RAP1A: variants seen among roughly 807,000 people sequenced by gnomAD.
RAP1A encodes the protein ras-related protein Rap-1A.
RAP1A carries 6 observed loss-of-function variants against 26.4 expected under a neutral mutation model. The observed-to-expected ratio is 0.23, with a 90% CI of 0.12 to 0.45. RAP1A has a LOEUF of 0.45. RAP1A is among the 20% of genes least tolerant of loss of function. The probability of loss-of-function intolerance (pLI) is 0.99; values close to 1 mark genes in which losing one functional copy is unlikely to be tolerated. For synonymous variants in RAP1A, 73 were observed against 79.4 expected (o/e 0.92, Z 0.43); for missense variants, 121 against 217.2 (o/e 0.56, Z 2.78).
upstream of RAP1A, among the ~76,000 whole-genome samples, chr1:111,619,193 GCTATTCCTC>G (rs532678409): frequency 6.6e-6 from 1 of 152,282 alleles, no homozygotes; most frequent in East Asian, 1.9e-4. Flanking sequence ...GCTTGGAAAG[GCTATTCCTC>G]CTCCAGGCCC....
At chr1:111,697,562 G>A in intron 4 of RAP1A, 65 bp downstream of exon 4, 1 of 1,593,104 alleles carries the variant, frequency 6.3e-7, no homozygotes, top group South Asian at 1.1e-5. Context: ...ATCTGAGTAG[G>A]TTTTGTCATC....
intron 1 of RAP1A, among the ~76,000 whole-genome samples, chr1:111,667,612 G>A (rs2101172894): frequency 6.6e-6 from 1 of 151,894 alleles, no homozygotes; most frequent in East Asian, 1.9e-4. Flanking sequence ...AACCTGGGAG[G>A]CGGAGGTTGC....
intron 1 of RAP1A, among the ~76,000 whole-genome samples, chr1:111,691,079 A>G (rs1384133780): frequency 4.6e-5 from 7 of 152,220 alleles, no homozygotes; most frequent in Admixed American, 2.0e-4. Flanking sequence ...TTGTTTTCTA[A>G]TCAAAGATTT....
chr1:111,543,990 A>T (rs1557843368), intron 1 of RAP1A, among the ~76,000 whole-genome samples: 1 of 152,200 alleles, frequency 6.6e-6, no homozygotes, highest in Non-Finnish European at 1.5e-5. Context: ...TTTTATTTCT[A>T]ACCCTGAAGT....
intron 1 of RAP1A, among the ~76,000 whole-genome samples, chr1:111,669,997 C>T (rs1159900427): frequency 6.6e-6 from 1 of 151,984 alleles, no homozygotes; most frequent in African/African-American, 2.4e-5. Flanking sequence ...ACAGTGTACT[C>T]AGAGTAAATA....
At chr1:111,693,363 G>A (rs1303285282) in intron 2 of RAP1A, among the ~76,000 whole-genome samples, 1 of 152,084 alleles carries the variant, frequency 6.6e-6, no homozygotes, top group African/African-American at 2.4e-5. Context: ...TGGGGTTAAG[G>A]GAGGTTTTTG....
chr1:111,553,029 C>T (rs183329448), intron 1 of RAP1A, among the ~76,000 whole-genome samples: 1 of 152,306 alleles, frequency 6.6e-6, no homozygotes, highest in Non-Finnish European at 1.5e-5. Flanking sequence ...GTGGAACTTA[C>T]GTGAAATGTC....
chr1:111,607,701 CA>C (rs1260321668), intron 1 of RAP1A, among the ~76,000 whole-genome samples: 7 of 137,224 alleles, frequency 5.1e-5, no homozygotes, highest in African/African-American at 1.6e-4. Context: ...CTGACCCCCC[CA>C]CCTCCCTCCC....
At chr1:111,695,239 A>G (rs1571568207) in intron 2 of RAP1A, 102 bp from the exon 3 acceptor site, 2 of 851,544 alleles carry the variant, frequency 2.3e-6, no homozygotes, top group East Asian at 6.5e-5. Context: ...TTTACCCAGA[A>G]TTTTCACATA....
chr1:111,580,156 A>C (rs926187027), intron 1 of RAP1A, among the ~76,000 whole-genome samples: 3 of 152,216 alleles, frequency 2.0e-5, no homozygotes, highest in African/African-American at 7.2e-5. Context: ...ATGCGTACTC[A>C]AAGTATGGTT....
intron 1 of RAP1A, among the ~76,000 whole-genome samples, chr1:111,658,949 G>A (rs925345959): frequency 6.6e-5 from 10 of 152,042 alleles, no homozygotes; most frequent in African/African-American, 9.7e-5. Context: ...GAATTGTTAT[G>A]TCTTCTTGGA....
chr1:111,617,440 A>G (rs1659035644), upstream of RAP1A, among the ~76,000 whole-genome samples: 2 of 151,886 alleles, frequency 1.3e-5, no homozygotes, highest in African/African-American at 4.8e-5. Context: ...TGTGTCATCA[A>G]TTTTACCTCT....
chr1:111,592,613 C>T (rs1303670626), intron 1 of RAP1A, among the ~76,000 whole-genome samples: 1 of 152,146 alleles, frequency 6.6e-6, no homozygotes, highest in African/African-American at 2.4e-5. Context: ...AGAGCAATGA[C>T]GATTCTTTTG....
At chr1:111,606,176 A>C (rs1396017479) in intron 1 of RAP1A, among the ~76,000 whole-genome samples, 1 of 152,176 alleles carries the variant, frequency 6.6e-6, no homozygotes, top group Non-Finnish European at 1.5e-5. Flanking sequence ...GAATTCTGTT[A>C]ACTGTTTCTC....
intron 4 of RAP1A, among the ~76,000 whole-genome samples, chr1:111,702,685 C>A (rs1385946707): frequency 1.3e-5 from 2 of 151,858 alleles, no homozygotes; most frequent in African/African-American, 4.8e-5. Context: ...CTTCTTCCAC[C>A]AAGTAGCTGG....
chr1:111,614,945 G>C (rs190286451), upstream of RAP1A, among the ~76,000 whole-genome samples: 43 of 152,240 alleles, frequency 2.8e-4, no homozygotes, highest in African/African-American at 1.0e-3. Context: ...GAATGAATAG[G>C]AACTATGGGA....
At chr1:111,652,066 C>T (rs1435007580) in intron 1 of RAP1A, among the ~76,000 whole-genome samples, 3 of 152,082 alleles carry the variant, frequency 2.0e-5, no homozygotes, top group Non-Finnish European at 2.9e-5. Flanking sequence ...CTCAGCCTCC[C>T]AGGTTCAAAT....
upstream of RAP1A, among the ~76,000 whole-genome samples, chr1:111,619,482 C>T (rs775921833): frequency 3.9e-5 from 6 of 152,216 alleles, no homozygotes; most frequent in South Asian, 2.1e-4. Flanking sequence ...CTAACAGGTG[C>T]TCAATTAGGG....
At chr1:111,600,940 G>C (rs1014802723) in intron 1 of RAP1A, among the ~76,000 whole-genome samples, 3 of 152,168 alleles carry the variant, frequency 2.0e-5, no homozygotes, top group Admixed American at 1.3e-4. Context: ...GCATGTGAGC[G>C]GAGTGAGTAA....
Sources: gnomAD v4.1 joint callset for allele counts (sites outside exome capture counted in the v4.1 genomes callset) on GRCh38, gnomAD v4.1.1 for gene constraint, MANE v1.5 for transcripts, NCBI Gene and HGNC (gene_info 2026-07-23, HGNC 2026-07-21) for gene names.